The following CPD variants were observed in gnomAD, a reference collection of about 807,000 sequenced individuals.
CPD encodes the protein carboxypeptidase D, also known as metallocarboxypeptidase D.
CPD carries 69 observed loss-of-function variants against 138.3 expected under a neutral mutation model. That is an observed-to-expected ratio of 0.50 (90% CI 0.41 to 0.61). The LOEUF (loss-of-function observed/expected upper bound fraction) is 0.61. CPD is among the 20% of genes least tolerant of loss of function. CPD has a pLI of 0.00. For synonymous variants in CPD, 651 were observed against 642.1 expected (o/e 1.01, Z -0.21); for missense variants, 1,432 against 1,733.3 (o/e 0.83, Z 3.09).
intron 17 of CPD, among the ~76,000 whole-genome samples, chr17:30,459,689 G>C (rs1019094915): frequency 6.6e-6 from 1 of 152,104 alleles, no homozygotes; most frequent in African/African-American, 2.4e-5. Flanking sequence ...CTGAGAAAAG[G>C]GGTGTTGGAA....
intron 14 of CPD, 70 bp from the exon 15 acceptor site, chr17:30,455,268 GA>G (rs1265314775): frequency 1.1e-5 from 14 of 1,256,596 alleles, no homozygotes; most frequent in Non-Finnish European, 1.4e-5. Context: ...TTCAAGTAGA[GA>G]ATATTTTCTT....
At chr17:30,460,684 T>G (rs1567885600) in intron 17 of CPD, among the ~76,000 whole-genome samples, 1 of 152,202 alleles carries the variant, frequency 6.6e-6, no homozygotes, top group African/African-American at 2.4e-5. Flanking sequence ...GTTGGGTTTT[T>G]GAACCTGTCT....
chr17:30,421,643 C>G, intron 3 of CPD, 21 bp from the exon 4 acceptor site: 1 of 1,610,664 alleles, frequency 6.2e-7, no homozygotes, highest in Non-Finnish European at 8.5e-7. Flanking sequence ...CGTCTCTGAG[C>G]TTGGATTCTT....
At chr17:30,463,004 G>A (rs955383810) in intron 20 of CPD, among the ~76,000 whole-genome samples, 9 of 152,132 alleles carry the variant, frequency 5.9e-5, no homozygotes, top group Non-Finnish European at 1.2e-4. Flanking sequence ...TTCCGCCCTG[G>A]GCGGGCCAGG....
chr17:30,434,707 G>GA (rs1308796753), intron 8 of CPD, among the ~76,000 whole-genome samples: 1 of 151,920 alleles, frequency 6.6e-6, no homozygotes, highest in African/African-American at 2.4e-5. Context: ...TGGTGAATGG[G>GA]AAAAGGAAAA....
rs771454408 is a variant in CPD at position 30,378,950 on chromosome 17, G to A, written c.-31G>A. ...CCGCCCGGAGCGCTGAGCCGCGGGA[G>A]CGGAGCCGGGGTTAGCGGCGCTGCT... On this transcript the variant is annotated 5_prime_UTR_variant, in exon 1 of 21. Transcript: ENST00000225719. 23 of 1,431,092 alleles carry A rather than the reference G, an allele frequency of 1.6e-5. No individual in the cohort carries two copies. The South Asian group carries it at 1.8e-4, about 11-fold the overall frequency. The allele number at this position is 1,431,092 out of a possible 1,614,324, so 88.6% of individuals were successfully genotyped here. A position where few individuals can be genotyped will look rare whatever the true frequency, so the allele number is the denominator to read the frequency against.
chr17:30,456,534 T>G lies in CPD; in HGVS notation c.3498+8T>G. On this transcript the variant is annotated splice_region_variant and intron_variant, in intron 17 of 20. Transcript: ENST00000225719. The stretch of plus-strand genomic sequence containing the variant: ...CACCTGGGCAGCATGAAGGTATGCT[T>G]TCTAGAACATGGTTAGAATGGAGTT... 1.2e-6 allele frequency: 2 copies of G among 1,613,384 alleles called. No individual in the cohort carries two copies. Among genetic ancestry groups the G allele is most frequent in the South Asian group, 2.2e-5 (2 of 91,064 alleles).
intron 8 of CPD, among the ~76,000 whole-genome samples, chr17:30,432,339 A>G (rs1912585712): frequency 6.6e-6 from 1 of 152,210 alleles, no homozygotes; most frequent in Non-Finnish European, 1.5e-5. Context: ...CTATATTAAC[A>G]AACTAAAGAA....
chr17:30,445,551 T>G (rs985711969), intron 11 of CPD, 140 bp from the exon 12 acceptor site: 1 of 551,956 alleles, frequency 1.8e-6, no homozygotes, highest in African/African-American at 1.9e-5. Flanking sequence ...AATAAATTAC[T>G]CAACGTTAAA....
chr17:30,455,699 C>T (rs1913275330), intron 15 of CPD: 1 of 436,964 alleles, frequency 2.3e-6, no homozygotes, highest in Admixed American at 4.0e-5. Flanking sequence ...CCATCTGTTC[C>T]ATTTAGTCCA....
Position 30,379,662 on chromosome 17 carries a change from G to C in CPD, c.682G>C (p.Glu228Gln). The part of the protein sequence containing the change: ...RSFPDQFSTG[E>Q]PPALDEVPEV... ...CTTTCCCGACCAGTTTAGCACCGGC[G>C]AACCCCCCGCCCTGGACGAGGTGCC... is the stretch of plus-strand genomic sequence containing the variant. Residue 228 changes from glutamate (E) to glutamine (Q), a missense_variant, in exon 1 of 21, where the codon GAA (glutamate) becomes CAA (glutamine). This residue lies in a region of CPD where 484 missense variants were observed against 477.2 expected (regional missense o/e 1.01). Coordinates refer to ENST00000225719, the MANE Select transcript of CPD (RefSeq NM_001304.5). This position sits in a 1 kb window ranked among gnomAD's most constrained non-coding sequence, Gnocchi z 7.0. The C allele has an allele frequency of 6.6e-7, 1 of 1,525,356 alleles. No homozygotes were observed. Among genetic ancestry groups the C allele is most frequent in the East Asian group, 2.6e-5 (1 of 39,078 alleles). 94.5% of individuals were successfully genotyped at this position (1,525,356 alleles called of 1,614,324 possible).
intron 12 of CPD, among the ~76,000 whole-genome samples, chr17:30,446,422 A>G (rs1186886498): frequency 6.6e-6 from 1 of 151,558 alleles, no homozygotes; most frequent in South Asian, 2.1e-4. Flanking sequence ...GAGAACATGC[A>G]GTGTTTGGTT....
At chr17:30,403,422 C>T (rs1390227078) in intron 2 of CPD, among the ~76,000 whole-genome samples, 2 of 152,212 alleles carry the variant, frequency 1.3e-5, no homozygotes, top group East Asian at 3.9e-4. Flanking sequence ...TTATGAGATC[C>T]CTTTCTCACA....
intron 18 of CPD, 74 bp from the exon 19 acceptor site, chr17:30,461,803 C>G: frequency 7.9e-7 from 1 of 1,271,536 alleles, no homozygotes; most frequent in Non-Finnish European, 1.1e-6. Flanking sequence ...TGGTTTTGGT[C>G]ATGCCTCAAG....
intron 2 of CPD, 100 bp from the exon 3 acceptor site, chr17:30,420,739 GAA>G: frequency 1.8e-6 from 2 of 1,095,456 alleles, no homozygotes; most frequent in Non-Finnish European, 2.6e-6. Flanking sequence ...GAAAAGAAAA[GAA>G]AATTTATACA....
chr17:30,400,479 A>G (rs1192943564), intron 2 of CPD, among the ~76,000 whole-genome samples: 1 of 151,856 alleles, frequency 6.6e-6, no homozygotes, highest in Non-Finnish European at 1.5e-5. Context: ...AAAATAGCTG[A>G]TTGTATTTAC....
intron 2 of CPD, among the ~76,000 whole-genome samples, chr17:30,407,132 C>G (rs577918897): frequency 5.9e-5 from 9 of 152,274 alleles, no homozygotes; most frequent in African/African-American, 2.2e-4. Flanking sequence ...TATGTCCCTG[C>G]AAAGGACATG....
chr17:30,445,013 G>A (rs146392110), intron 11 of CPD, among the ~76,000 whole-genome samples: 1 of 152,160 alleles, frequency 6.6e-6, no homozygotes, highest in Non-Finnish European at 1.5e-5. Flanking sequence ...CCGAGAAACA[G>A]GGTGAGAAGG....
At chr17:30,427,313 G>A in intron 6 of CPD, 78 bp from the exon 7 acceptor site, 2 of 1,316,750 alleles carry the variant, frequency 1.5e-6, no homozygotes, top group Non-Finnish European at 2.2e-6. Flanking sequence ...CTTGAGTTAA[G>A]GTATCTAAAG....
Sources: gnomAD v4.1 joint callset for allele counts (sites outside exome capture counted in the v4.1 genomes callset) on GRCh38, gnomAD v4.1.1 for gene constraint, gnomAD v4.1.1 regional missense constraint, Gnocchi (gnomAD v3.1) non-coding constraint, MANE v1.5 for transcripts, NCBI Gene and HGNC (gene_info 2026-07-23, HGNC 2026-07-21) for gene names.